Variants in BABAM2 observed in about 807,000 individuals in gnomAD.
BABAM2 encodes BRISC and BRCA1-A complex member 2.
A neutral mutation model predicts 54.7 loss-of-function variants in BABAM2; 31 were observed. That is an observed-to-expected ratio of 0.57 (90% CI 0.43 to 0.77). The LOEUF (loss-of-function observed/expected upper bound fraction) is 0.77. Among genes scored for constraint, BABAM2 ranks in the 30% least tolerant of loss-of-function variants. The pLI is 0.00. For missense variants in BABAM2, 364 were observed against 455.8 expected, an observed-to-expected ratio of 0.80 and a Z score of 1.83; for synonymous variants, 167 against 162.9, an observed-to-expected ratio of 1.03 and a Z score of -0.19.
chr2:28,067,407 G>T (rs1285994302), intron 6 of BABAM2, among the ~76,000 whole-genome samples: 1 of 152,148 alleles, frequency 6.6e-6, no homozygotes, highest in Non-Finnish European at 1.5e-5. Flanking sequence ...CAGTTAACCT[G>T]AACACATCTT....
At chr2:28,072,673 C>G (rs2148660379) in intron 6 of BABAM2, among the ~76,000 whole-genome samples, 1 of 152,350 alleles carries the variant, frequency 6.6e-6, no homozygotes, top group Non-Finnish European at 1.5e-5. Context: ...GCGTGAGCCA[C>G]TGTGCCCGGC....
At chr2:28,103,551 C>T (rs922647600) in intron 6 of BABAM2, among the ~76,000 whole-genome samples, 3 of 152,188 alleles carry the variant, frequency 2.0e-5, no homozygotes, top group Non-Finnish European at 4.4e-5. Flanking sequence ...TCAATCCATC[C>T]TCCCATCTCA....
intron 6 of BABAM2, among the ~76,000 whole-genome samples, chr2:28,086,666 T>G (rs1371991513): frequency 6.6e-6 from 1 of 152,238 alleles, no homozygotes; most frequent in Non-Finnish European, 1.5e-5. Context: ...TTAACTACTG[T>G]AAAACTGTAC....
intron 7 of BABAM2, among the ~76,000 whole-genome samples, chr2:28,225,367 G>A (rs1382264450): frequency 1.3e-5 from 2 of 152,222 alleles, no homozygotes; most frequent in Admixed American, 6.5e-5. Flanking sequence ...AGCCAGCCCT[G>A]CAGGCATCAG....
At chr2:28,126,309 A>G (rs1237926086) in intron 6 of BABAM2, among the ~76,000 whole-genome samples, 2 of 110,610 alleles carry the variant, frequency 1.8e-5, no homozygotes, top group Non-Finnish European at 3.5e-5. Flanking sequence ...CCACCCCACA[A>G]CAGTCCCCAG....
chr2:27,927,841 T>TG (rs1342866647), intron 2 of BABAM2, among the ~76,000 whole-genome samples: 2 of 150,620 alleles, frequency 1.3e-5, no homozygotes, highest in African/African-American at 4.9e-5. Flanking sequence ...AGTTTCTGTT[T>TG]TTTTTTTTTT....
At chr2:28,151,977 G>A (rs1672094770) in intron 7 of BABAM2, among the ~76,000 whole-genome samples, 1 of 151,818 alleles carries the variant, frequency 6.6e-6, no homozygotes. Context: ...TTATTTACAT[G>A]GCACTGTGAA....
intron 10 of BABAM2, among the ~76,000 whole-genome samples, chr2:28,289,782 C>G (rs1170672202): frequency 6.6e-6 from 1 of 151,042 alleles, no homozygotes; most frequent in Non-Finnish European, 1.5e-5. Flanking sequence ...CAGAGAGACT[C>G]TGTCTCAAAA....
chr2:28,304,064 T>C lies in BABAM2; in HGVS notation c.1088+5573T>C, dbSNP rs1020689081. Among the ~76,000 whole-genome samples, 1 of 152,038 alleles carries C rather than the reference T, an allele frequency of 6.6e-6. No homozygotes were observed. Among genetic ancestry groups the C allele is most frequent in the Non-Finnish European group, 1.5e-5 (1 of 68,018 alleles). ...CCCAGCTAATTTTTGTATTTTTATT[T>C]ATTTTTTTGAGACAAAGTTTTGCTT... On this transcript the variant is annotated intron_variant, in intron 11 of 11. Coordinates refer to ENST00000379624, the MANE Select transcript of BABAM2 (RefSeq NM_199191.3). This position sits in a 1 kb window ranked among gnomAD's most constrained non-coding sequence, Gnocchi z 4.0.
chr2:28,066,334 A>G (rs1663564277), intron 6 of BABAM2, among the ~76,000 whole-genome samples: 1 of 152,118 alleles, frequency 6.6e-6, no homozygotes, highest in Non-Finnish European at 1.5e-5. Context: ...TATCAGTAAT[A>G]TGACAGCTTA....
intron 2 of BABAM2, among the ~76,000 whole-genome samples, chr2:27,925,153 A>G (rs975590818): frequency 6.6e-6 from 1 of 152,192 alleles, no homozygotes; most frequent in Non-Finnish European, 1.5e-5. Flanking sequence ...TGATATTGGA[A>G]AGTAAGTGAT....
At chr2:28,291,208 G>A (rs1050493600) in intron 10 of BABAM2, among the ~76,000 whole-genome samples, 1 of 152,052 alleles carries the variant, frequency 6.6e-6, no homozygotes, top group African/African-American at 2.4e-5. Context: ...TGACCTCAAG[G>A]GCATACCATG....
chr2:28,057,367 C>A (rs1678511989), intron 6 of BABAM2, among the ~76,000 whole-genome samples: 1 of 152,146 alleles, frequency 6.6e-6, no homozygotes, highest in African/African-American at 2.4e-5. Flanking sequence ...TTGGATTTGC[C>A]CTATTTTCTT....
chr2:27,939,510 A>G (rs1044727413), intron 3 of BABAM2, among the ~76,000 whole-genome samples: 2 of 152,226 alleles, frequency 1.3e-5, no homozygotes, highest in African/African-American at 4.8e-5. Context: ...TGTGTTATAA[A>G]GAATGTGGCA....
intron 10 of BABAM2, among the ~76,000 whole-genome samples, chr2:28,284,109 TTCTCTTTGA>T (rs1275372956): frequency 6.6e-6 from 1 of 152,240 alleles, no homozygotes; most frequent in Non-Finnish European, 1.5e-5. Context: ...GCACAGTTTA[TTCTCTTTGA>T]GTTAGTTAAA....
intron 10 of BABAM2, among the ~76,000 whole-genome samples, chr2:28,266,942 G>A (rs1685033154): frequency 6.6e-6 from 1 of 152,230 alleles, no homozygotes. Context: ...GATCAGCTGA[G>A]ATCAGGAATT....
chr2:28,208,873 GGT>G (rs1679165565), intron 7 of BABAM2, among the ~76,000 whole-genome samples: 1 of 152,092 alleles, frequency 6.6e-6, no homozygotes, highest in Admixed American at 6.6e-5. Flanking sequence ...CCCAGTCCCT[GGT>G]GAACAATTGT....
At chr2:27,928,222 G>T (rs2148347269) in intron 2 of BABAM2, among the ~76,000 whole-genome samples, 1 of 152,156 alleles carries the variant, frequency 6.6e-6, no homozygotes, top group Non-Finnish European at 1.5e-5. Context: ...CACCATGTTG[G>T]CCAGGATGGT....
chr2:28,315,382 T>TC (rs911457129), intron 11 of BABAM2, among the ~76,000 whole-genome samples: 19 of 152,134 alleles, frequency 1.2e-4, no homozygotes, highest in African/African-American at 4.3e-4. Flanking sequence ...CTTTTTTTTT[T>TC]CTGTAGGCAG....
Sources: gnomAD v4.1 joint callset for allele counts (sites outside exome capture counted in the v4.1 genomes callset) on GRCh38, gnomAD v4.1.1 for gene constraint, Gnocchi (gnomAD v3.1) non-coding constraint, MANE v1.5 for transcripts, NCBI Gene and HGNC (gene_info 2026-07-23, HGNC 2026-07-21) for gene names.